Variants in UBE2E1 observed in about 807,000 individuals in gnomAD.
The protein encoded by UBE2E1 is ubiquitin conjugating enzyme E2 E1.
In UBE2E1, 6 loss-of-function variants were observed where a neutral mutation model predicts 21.4. The observed-to-expected ratio is 0.28, with a 90% CI of 0.15 to 0.55. The LOEUF (loss-of-function observed/expected upper bound fraction) is 0.55, where lower values mean the gene tolerates loss of function less well. Ranked by LOEUF, UBE2E1 falls within the 20% of genes least tolerant of loss-of-function variation. The pLI is 0.93. For missense variants in UBE2E1, 142 were observed against 236.5 expected, an observed-to-expected ratio of 0.60 and a Z score of 2.62; for synonymous variants, 87 against 82.7, an observed-to-expected ratio of 1.05 and a Z score of -0.28.
At chr3:23,877,935 C>G (rs933259238) in intron 3 of UBE2E1, among the ~76,000 whole-genome samples, 2 of 152,186 alleles carry the variant, frequency 1.3e-5, no homozygotes, top group African/African-American at 4.8e-5. Context: ...TCCCAAGCCT[C>G]TGCCCTTTTT....
At chr3:23,807,199 G>A in intron 1 of UBE2E1, 38 bp from the exon 2 acceptor site, 1 of 1,514,990 alleles carries the variant, frequency 6.6e-7, no homozygotes, top group Non-Finnish European at 8.8e-7. Flanking sequence ...CTGGCTGCAT[G>A]GTTTGTGTGT....
In UBE2E1 at chr3:23,863,076, T is replaced by A. The variant is rs1341558671; in HGVS notation, c.204-24491T>A. On this transcript the variant is annotated intron_variant, in intron 3 of 5. Transcript: ENST00000306627. The surrounding 1 kb of genome is among the most constrained non-coding windows in gnomAD (Gnocchi z 4.3). ...TGTTAAAAAAAAAAAAAAAAACTAT[T>A]CCCAGCATTTTGCTCTCTAGTGGCA... 2.0e-5 allele frequency among the ~76,000 whole-genome samples: 3 copies of A among 151,150 alleles called. No individual in the cohort carries two copies. Among genetic ancestry groups the A allele is most frequent in the Non-Finnish European group, 4.4e-5 (3 of 67,868 alleles).
chr3:23,885,058 T>C (rs1226907121), intron 3 of UBE2E1, among the ~76,000 whole-genome samples: 1 of 152,210 alleles, frequency 6.6e-6, no homozygotes, highest in Non-Finnish European at 1.5e-5. Context: ...GAAGTTTATT[T>C]CTCACAGTTC....
chr3:23,807,531 G>C, intron 2 of UBE2E1, 110 bp downstream of exon 2: 13 of 1,363,706 alleles, frequency 9.5e-6, no homozygotes, highest in Non-Finnish European at 1.3e-5. Context: ...TGGTTTATGT[G>C]TTCTTAAAAA....
At chr3:23,877,634 C>T (rs1226658744) in intron 3 of UBE2E1, among the ~76,000 whole-genome samples, 1 of 152,096 alleles carries the variant, frequency 6.6e-6, no homozygotes, top group African/African-American at 2.4e-5. Context: ...AACCACTGCT[C>T]TAAGACTACT....
At chr3:23,817,784 T>C (rs908896476) in intron 3 of UBE2E1, among the ~76,000 whole-genome samples, 1 of 152,158 alleles carries the variant, frequency 6.6e-6, no homozygotes, top group Non-Finnish European at 1.5e-5. Context: ...AAGCTGTGTC[T>C]AGAGAGGAAG....
intron 3 of UBE2E1, among the ~76,000 whole-genome samples, chr3:23,815,922 A>T (rs930880378): frequency 6.6e-6 from 1 of 152,192 alleles, no homozygotes; most frequent in South Asian, 2.1e-4. Context: ...GGCAGTGTTG[A>T]AAAATTGTGA....
At chr3:23,889,498 T>A in intron 5 of UBE2E1, 1 of 1,382,724 alleles carries the variant, frequency 7.2e-7, no homozygotes, top group Non-Finnish European at 9.3e-7. Flanking sequence ...TAAGTTTGCC[T>A]TGGGCTTTTA....
At chr3:23,826,975 C>T (rs1486009887) in intron 3 of UBE2E1, among the ~76,000 whole-genome samples, 5 of 152,144 alleles carry the variant, frequency 3.3e-5, no homozygotes, top group Admixed American at 3.3e-4. Flanking sequence ...TGATTTCTTG[C>T]AGAAGGGTCA....
At chr3:23,882,835 G>T (rs1217542321) in intron 3 of UBE2E1, among the ~76,000 whole-genome samples, 1 of 152,198 alleles carries the variant, frequency 6.6e-6, no homozygotes, top group Non-Finnish European at 1.5e-5. Flanking sequence ...TCCGAGTGCG[G>T]GGCTGCCAAG....
intron 3 of UBE2E1, among the ~76,000 whole-genome samples, chr3:23,833,278 G>T (rs1187685652): frequency 2.0e-5 from 3 of 152,096 alleles, no homozygotes; most frequent in Non-Finnish European, 4.4e-5. Context: ...CTTAAAAAAT[G>T]ATTGGTATAT....
At chr3:23,818,593 T>G (rs1699576862) in intron 3 of UBE2E1, among the ~76,000 whole-genome samples, 1 of 152,178 alleles carries the variant, frequency 6.6e-6, no homozygotes, top group Non-Finnish European at 1.5e-5. Context: ...CTCTCTTATC[T>G]CTATATGATA....
intron 5 of UBE2E1, 159 bp downstream of exon 5, chr3:23,889,418 C>T (rs1397144224): frequency 4.1e-6 from 6 of 1,471,042 alleles, no homozygotes; most frequent in Non-Finnish European, 5.4e-6. Context: ...GTTCAGTCTA[C>T]TAGTTGAGAC....
chr3:23,872,788 G>A (rs941888174), intron 3 of UBE2E1, among the ~76,000 whole-genome samples: 1 of 152,224 alleles, frequency 6.6e-6, no homozygotes, highest in African/African-American at 2.4e-5. Context: ...GGAGGCCAAG[G>A]CAGGTGGATC....
intron 3 of UBE2E1, among the ~76,000 whole-genome samples, chr3:23,855,696 G>C (rs987718924): frequency 2.0e-5 from 3 of 152,010 alleles, no homozygotes; most frequent in African/African-American, 7.3e-5. Context: ...TGGGCGTGGT[G>C]GTGGGCGCCT....
chr3:23,889,885 ACC>A (rs1488434784), intron 5 of UBE2E1: 1 of 272,988 alleles, frequency 3.7e-6, no homozygotes, highest in Non-Finnish European at 5.5e-6. Context: ...GCAAAGCGAG[ACC>A]CTGTCTCAAA....
At chr3:23,851,540 C>A (rs1001730827) in intron 3 of UBE2E1, among the ~76,000 whole-genome samples, 6 of 152,028 alleles carry the variant, frequency 3.9e-5, no homozygotes, top group African/African-American at 1.4e-4. Context: ...GTGGCTCATG[C>A]CTACTATATT....
intron 3 of UBE2E1, among the ~76,000 whole-genome samples, chr3:23,855,451 C>T (rs568201350): frequency 9.1e-4 from 139 of 152,246 alleles, no homozygotes; most frequent in African/African-American, 3.2e-3. Context: ...ATTTTTGTGA[C>T]AGCCGTTATT....
intron 3 of UBE2E1, among the ~76,000 whole-genome samples, chr3:23,858,958 G>A (rs6803214): frequency 0.17 from 26,421 of 152,020 alleles, 3,154 homozygotes; most frequent in African/African-American, 0.34. Flanking sequence ...CAAATACCTC[G>A]TATTTTAATC....
Sources: allele counts gnomAD v4.1 joint callset (sites outside exome capture counted in the v4.1 genomes callset), GRCh38; gene constraint gnomAD v4.1.1; non-coding constraint Gnocchi (gnomAD v3.1); transcripts MANE v1.5; gene names NCBI Gene and HGNC (gene_info 2026-07-23, HGNC 2026-07-21).